The following QRSL1 variants were observed in gnomAD, a reference collection of about 807,000 sequenced individuals.
QRSL1 encodes glutamyl-tRNA(Gln) amidotransferase subunit A, mitochondrial.
QRSL1 carries 54 observed loss-of-function variants against 61.6 expected under a neutral mutation model. The observed-to-expected ratio is 0.88, with a 90% confidence interval of 0.70 to 1.10. The LOEUF is 1.10. Ranked by LOEUF, QRSL1 falls within the 50% of genes least tolerant of loss-of-function variation. QRSL1 has a pLI of 0.00. For missense variants in QRSL1, 505 were observed against 622.6 expected, an observed-to-expected ratio of 0.81 and a Z score of 2.01; for synonymous variants, 228 against 225.7, an observed-to-expected ratio of 1.01 and a Z score of -0.09.
chr6:106,665,811 C>T lies in QRSL1; in HGVS notation c.1396C>T (p.Leu466Phe). 1.9e-6 allele frequency: 3 copies of T among 1,613,946 alleles called. No homozygotes were observed. The highest frequency in any genetic ancestry group is 2.5e-6 in the Non-Finnish European group (3 of 1,179,848). The change falls in exon 11 of 11, where the codon CTC (leucine) becomes TTC (phenylalanine). Residue 466 changes from leucine to phenylalanine, a missense_variant. Physicochemically the swap from Leu to Phe is conservative, Grantham distance 22. Coordinates refer to ENST00000369046, the MANE Select transcript of QRSL1 (RefSeq NM_018292.5). ...GLPAVSIPVA[L>F]SNQGLPIGLQ... The stretch of plus-strand genomic sequence containing the variant: ...GCCAGCAGTGAGTATCCCTGTTGCA[C>T]TCTCAAACCAAGGGTTGCCAATAGG...
chr6:106,642,826 A>G (rs1777043488), intron 3 of QRSL1, 168 bp from the exon 4 acceptor site: 2 of 756,326 alleles, frequency 2.6e-6, no homozygotes, highest in Non-Finnish European at 4.9e-6. Flanking sequence ...CCTGGGTTCA[A>G]CTGACGTGCC....
At chr6:106,638,208 C>CTA (rs1402260265) in intron 1 of QRSL1, among the ~76,000 whole-genome samples, 1 of 152,232 alleles carries the variant, frequency 6.6e-6, no homozygotes, top group African/African-American at 2.4e-5. Context: ...ACCCAGCCTA[C>CTA]TACCATCTTT....
chr6:106,642,646 A>C, intron 3 of QRSL1: 1 of 781,700 alleles, frequency 1.3e-6, no homozygotes, highest in Non-Finnish European at 2.3e-6. Flanking sequence ...GAGAGTACAC[A>C]GTGTTCCCCA....
At chr6:106,657,823 G>A (rs1168868101) in intron 9 of QRSL1, among the ~76,000 whole-genome samples, 1 of 152,062 alleles carries the variant, frequency 6.6e-6, no homozygotes, top group Non-Finnish European at 1.5e-5. Context: ...TTCTGCCTCA[G>A]CATCCTGAGT....
intron 3 of QRSL1, chr6:106,642,548 T>C (rs1777038278): frequency 9.7e-6 from 7 of 722,866 alleles, no homozygotes; most frequent in East Asian, 2.5e-5. Context: ...CATGTACATG[T>C]GAACCTATAA....
chr6:106,632,496 G>T (rs1465698738), intron 1 of QRSL1, among the ~76,000 whole-genome samples: 1 of 152,058 alleles, frequency 6.6e-6, no homozygotes, highest in African/African-American at 2.4e-5. Context: ...GATTACAGGT[G>T]TGAGCCACTG....
chr6:106,639,636 CATGTTATTATTACTTCCTA>C (rs1776986196), intron 1 of QRSL1, among the ~76,000 whole-genome samples: 1 of 152,046 alleles, frequency 6.6e-6, no homozygotes, highest in Non-Finnish European at 1.5e-5. Context: ...TTAGTAAGTA[CATGTTATTATTACTTCCTA>C]CAGGAAATAT....
intron 1 of QRSL1, among the ~76,000 whole-genome samples, chr6:106,631,742 G>A (rs1440655983): frequency 1.3e-5 from 2 of 152,180 alleles, no homozygotes; most frequent in African/African-American, 4.8e-5. Context: ...GGCATACAAT[G>A]CATAATAATC....
intron 3 of QRSL1, among the ~76,000 whole-genome samples, chr6:106,642,275 C>T (rs946445066): frequency 1.3e-5 from 2 of 152,184 alleles, no homozygotes; most frequent in South Asian, 2.1e-4. Context: ...AGGCTGGTCT[C>T]GAACTCCTAA....
intron 5 of QRSL1, 47 bp from the exon 6 acceptor site, chr6:106,652,162 A>C: frequency 6.6e-7 from 1 of 1,511,770 alleles, no homozygotes; most frequent in Non-Finnish European, 9.0e-7. Flanking sequence ...TCCAAATATA[A>C]TTAGAGATAT....
In QRSL1 at chr6:106,646,982, C is replaced by T. The variant is rs1183450037; in HGVS notation, c.381-2043C>T. On this transcript the variant is annotated intron_variant, in intron 4 of 10. Coordinates refer to ENST00000369046, the MANE Select transcript of QRSL1 (RefSeq NM_018292.5). ...GGCAGAGGTTGCAGTGAGCCGAAAT[C>T]ACGCCACTGCACTCCAGCCTGGGTG... Among the ~76,000 whole-genome samples the T allele has an allele frequency of 2.4e-5, 3 of 126,600 alleles. No homozygotes were observed. The Admixed American group carries it at 3.0e-4, about 13-fold the overall frequency. 83.1% of individuals were successfully genotyped at this position (126,600 alleles called of 152,430 possible).
chr6:106,656,824 T>G (rs1777278935), intron 9 of QRSL1, among the ~76,000 whole-genome samples: 1 of 152,154 alleles, frequency 6.6e-6, no homozygotes, highest in Non-Finnish European at 1.5e-5. Context: ...GCCCAGCTAA[T>G]TTTTGTATTT....
intron 4 of QRSL1, among the ~76,000 whole-genome samples, chr6:106,647,719 C>G (rs56288012): frequency 8.2e-6 from 1 of 121,552 alleles, no homozygotes; most frequent in African/African-American, 3.2e-5. Flanking sequence ...GGCGCGATCT[C>G]GGCTCACTGC....
intron 4 of QRSL1, 114 bp from the exon 5 acceptor site, chr6:106,648,911 C>A: frequency 1.9e-6 from 2 of 1,046,024 alleles, no homozygotes; most frequent in South Asian, 2.0e-5. Flanking sequence ...ATTCAAGCTA[C>A]AGTGGGTTCT....
At chr6:106,642,288 T>C (rs1043444051) in intron 3 of QRSL1, among the ~76,000 whole-genome samples, 2 of 152,220 alleles carry the variant, frequency 1.3e-5, no homozygotes, top group Non-Finnish European at 2.9e-5. Flanking sequence ...ACTCCTAACC[T>C]CAGGTGATCC....
At chr6:106,640,554 TTTAA>T (rs1268756259) in intron 2 of QRSL1, 46 bp downstream of exon 2, 3 of 1,445,934 alleles carry the variant, frequency 2.1e-6, no homozygotes, top group Non-Finnish European at 1.9e-6. Context: ...TCCAGAGAAG[TTTAA>T]TTGTTTGTAG....
chr6:106,639,111 G>GTTTTTTTTTTTTTTTTT (rs1562164982), intron 1 of QRSL1, among the ~76,000 whole-genome samples: 7 of 60,750 alleles, frequency 1.2e-4, no homozygotes, highest in African/African-American at 4.7e-4. Flanking sequence ...TTATTTGTGT[G>GTTTTTTTTTTTTTTTTT]TTTTGTTGTT....
At chr6:106,647,112 A>T (rs1447434015) in intron 4 of QRSL1, among the ~76,000 whole-genome samples, 4 of 151,910 alleles carry the variant, frequency 2.6e-5, no homozygotes, top group African/African-American at 9.7e-5. Context: ...CTACTAAAAA[A>T]GTGAAAACGC....
chr6:106,638,425 C>G (rs1776958070), intron 1 of QRSL1, among the ~76,000 whole-genome samples: 1 of 152,160 alleles, frequency 6.6e-6, no homozygotes, highest in South Asian at 2.1e-4. Flanking sequence ...CTGCCTCGGT[C>G]TCCCGAGTAG....
Sources: gnomAD v4.1 joint callset for allele counts (sites outside exome capture counted in the v4.1 genomes callset) on GRCh38, gnomAD v4.1.1 for gene constraint, MANE v1.5 for transcripts, NCBI Gene and HGNC (gene_info 2026-07-23, HGNC 2026-07-21) for gene names.